The following SMC5 variants were observed in gnomAD, a reference collection of about 807,000 sequenced individuals.
SMC5 encodes structural maintenance of chromosomes protein 5.
A neutral mutation model predicts 148.3 loss-of-function variants in SMC5; 88 were observed. That is an observed-to-expected ratio of 0.59 (90% CI 0.50 to 0.71). The LOEUF (loss-of-function observed/expected upper bound fraction) is 0.71. SMC5 is among the 30% of genes least tolerant of loss of function. The probability of loss-of-function intolerance (pLI) is 0.00; values close to 1 mark genes in which losing one functional copy is unlikely to be tolerated. For missense variants in SMC5, 1,142 were observed against 1,298.9 expected (o/e 0.88, Z 1.86); for synonymous variants, 421 against 432.8 (o/e 0.97, Z 0.34).
Position 70,352,393 on chromosome 9 carries a change from C to T in SMC5, c.*62C>T. The T allele has an allele frequency of 6.8e-7, 1 of 1,463,950 alleles. No individual in the cohort carries two copies. Among genetic ancestry groups the T allele is most frequent in the East Asian group, 2.3e-5 (1 of 43,596 alleles). 90.7% of individuals were successfully genotyped at this position (1,463,950 alleles called of 1,614,324 possible). A position where few individuals can be genotyped will look rare whatever the true frequency, so the allele number is the denominator to read the frequency against. The stretch of plus-strand genomic sequence containing the variant: ...TTAAATTCTGTTTATAAGTATGGCT[C>T]AACTGAATAAAAGGAGATTCACTAA... On this transcript the variant is annotated 3_prime_UTR_variant, in exon 25 of 25. Transcript: ENST00000361138.
chr9:70,306,127 A>G (rs983923263), intron 11 of SMC5, among the ~76,000 whole-genome samples: 2 of 152,176 alleles, frequency 1.3e-5, no homozygotes, highest in Non-Finnish European at 1.5e-5. Flanking sequence ...TGACATTCTT[A>G]TATATATACG....
rs777235315 is a variant in SMC5, at chr9:70,348,000, C to G, written c.2851C>G (p.Gln951Glu). The change falls in exon 22 of 25, where the codon CAG becomes GAG. Residue 951 changes from glutamine (Q) to glutamate (E), a missense_variant. Gln to Glu is a conservative substitution (Grantham distance 29). Around this residue, in one of 5 missense-constraint regions of SMC5, gnomAD observed 743 missense variants for 835.7 expected, o/e 0.89. Coordinates refer to ENST00000361138, the MANE Select transcript of SMC5 (RefSeq NM_015110.4). The part of the protein sequence containing the change: ...EKFSNFFSSM[Q>E]CAGEVDLHTE... ...ATTCAGCAATTTTTTTAGTTCCATG[C>G]AGTGTGCTGGTGAAGTTGATCTCCA... 1.2e-6 allele frequency: 2 copies of G among 1,605,256 alleles called. No homozygotes were observed. Among genetic ancestry groups the G allele is most frequent in the South Asian group, 1.1e-5 (1 of 88,824 alleles).
rs2036843741 is a variant in SMC5, at chr9:70,353,275, AAT to A, written c.*945_*946del. The A allele has an allele frequency of 6.6e-6, 1 of 152,124 alleles. No homozygotes were observed. 9.4% of individuals were successfully genotyped at this position (152,124 alleles called of 1,614,324 possible). On this transcript the variant is annotated 3_prime_UTR_variant, in exon 25 of 25. Coordinates refer to ENST00000361138, the MANE Select transcript of SMC5 (RefSeq NM_015110.4). ...AAAGCATTGATTTCTTTAAAACCGT[AAT>A]GTTTTTAGAACTTAAGCCTATAGGG...
intron 18 of SMC5, 156 bp downstream of exon 18, chr9:70,344,425 A>T (rs530459842): frequency 8.0e-5 from 24 of 301,840 alleles, no homozygotes; most frequent in Non-Finnish European, 1.1e-4. Flanking sequence ...TATATATATA[A>T]AATAATGTTG....
At position 70,343,777 on chromosome 9, in the gene SMC5, C is replaced by A. The variant is rs554667541; in HGVS notation, c.2398-367C>A. ...GTTGCAGTGAGCTGAGATCACGTCA[C>A]GTCACTGCACTCCAGCCTGGGTGAC... On this transcript the variant is annotated intron_variant, in intron 17 of 24. Transcript: ENST00000361138. 3.9e-5 allele frequency among the ~76,000 whole-genome samples: 6 copies of A among 152,070 alleles called. No homozygotes were observed. The South Asian group carries it at 1.2e-3, about 32-fold the overall frequency.
chr9:70,327,882 G>A (rs2036121105), intron 17 of SMC5, among the ~76,000 whole-genome samples: 2 of 152,148 alleles, frequency 1.3e-5, no homozygotes, highest in Non-Finnish European at 2.9e-5. Flanking sequence ...CCATTCCACA[G>A]GCTGTATAGG....
chr9:70,280,614 C>G, intron 5 of SMC5, 145 bp from the exon 6 acceptor site: 2 of 685,326 alleles, frequency 2.9e-6, no homozygotes, highest in Non-Finnish European at 4.7e-6. Flanking sequence ...TCACTGTTGC[C>G]TAGGCTGGAG....
chr9:70,321,382 A>G (rs1382590992), intron 15 of SMC5, among the ~76,000 whole-genome samples: 1 of 147,316 alleles, frequency 6.8e-6, no homozygotes, highest in East Asian at 2.0e-4. Flanking sequence ...TAAATATAAT[A>G]TTGTCAAATG....
intron 3 of SMC5, among the ~76,000 whole-genome samples, chr9:70,275,615 C>A (rs1180111): frequency 0.12 from 17,538 of 151,380 alleles, 1,144 homozygotes; most frequent in African/African-American, 0.16. Context: ...AGTAATCATT[C>A]TCTTTTTCTC....
At chr9:70,293,114 CTGG>C (rs2035108587) in intron 8 of SMC5, among the ~76,000 whole-genome samples, 1 of 152,080 alleles carries the variant, frequency 6.6e-6, no homozygotes, top group African/African-American at 2.4e-5. Context: ...GTGAAACTCT[CTGG>C]TTGTAGAGAT....
At chr9:70,333,484 G>C (rs553346041) in intron 17 of SMC5, among the ~76,000 whole-genome samples, 1 of 151,804 alleles carries the variant, frequency 6.6e-6, no homozygotes, top group East Asian at 2.0e-4. Context: ...AAAAAGAAAG[G>C]CTTTGGGAGG....
chr9:70,296,722 TA>T (rs1215485901), intron 8 of SMC5, among the ~76,000 whole-genome samples: 3 of 152,204 alleles, frequency 2.0e-5, no homozygotes, highest in African/African-American at 7.2e-5. Context: ...TGTGATGTGT[TA>T]AATTTATCTA....
intron 11 of SMC5, among the ~76,000 whole-genome samples, chr9:70,310,182 T>G (rs1012009834): frequency 1.3e-5 from 2 of 152,226 alleles, no homozygotes; most frequent in African/African-American, 2.4e-5. Flanking sequence ...TTGTTTACTT[T>G]GCCCAGATTC....
chr9:70,264,454 A>G lies in SMC5; in HGVS notation c.327+9A>G. On this transcript the variant is annotated intron_variant, in intron 2 of 24. Coordinates refer to ENST00000361138, the MANE Select transcript of SMC5 (RefSeq NM_015110.4). ...TGGGACGAGCAGATAAGGTGAGTTA[A>G]TATAATTACTTTTTAAGAAATTTCA... The G allele has an allele frequency of 1.9e-6, 3 of 1,610,794 alleles. No individual in the cohort carries two copies. The highest frequency in any genetic ancestry group is 2.5e-6 in the Non-Finnish European group (3 of 1,178,966).
intron 11 of SMC5, among the ~76,000 whole-genome samples, chr9:70,306,656 G>A (rs2035507963): frequency 6.6e-6 from 1 of 152,164 alleles, no homozygotes; most frequent in South Asian, 2.1e-4. Context: ...AGCTTAGCCT[G>A]TTACTTTTCC....
chr9:70,267,925 TG>T lies in SMC5; in HGVS notation c.333del (p.Phe113LeufsTer2). On this transcript the variant is annotated frameshift_variant, in exon 3 of 25. Transcript: ENST00000361138. LOFTEE classifies it high-confidence loss of function. ...ACTTTTTCTTTTTTATGTCTTAGGT[TG>T]GGTTTTTTGTGAAGAGAGGATGTTC... ...PAFMGRADKV[G>X]FFVKRGCSRG... 1 of 1,612,972 alleles carries T rather than the reference TG, an allele frequency of 6.2e-7. No homozygotes were observed. The highest frequency in any genetic ancestry group is 8.5e-7 in the Non-Finnish European group (1 of 1,179,534).
intron 11 of SMC5, chr9:70,311,960 A>G (rs1221536469): frequency 6.6e-6 from 1 of 151,994 alleles, no homozygotes; most frequent in East Asian, 1.9e-4. Flanking sequence ...CACTGCTATA[A>G]AGAACTGCCT....
chr9:70,263,956 C>T lies in SMC5; in HGVS notation c.186-348C>T, dbSNP rs530283237. On this transcript the variant is annotated intron_variant, in intron 1 of 24. Coordinates refer to ENST00000361138, the MANE Select transcript of SMC5 (RefSeq NM_015110.4). ...TAAAATTCACAGATTCAAGGTAAGC[C>T]GTGGCGTCTCCTATAAAATTTGTTT... 5.5e-4 allele frequency among the ~76,000 whole-genome samples: 83 copies of T among 152,072 alleles called. No individual in the cohort carries two copies. The South Asian group carries it at 7.7e-3, about 14-fold the overall frequency.
At chr9:70,339,528 C>T (rs1319022659) in intron 17 of SMC5, among the ~76,000 whole-genome samples, 7 of 152,030 alleles carry the variant, frequency 4.6e-5, no homozygotes, top group Non-Finnish European at 8.8e-5. Flanking sequence ...GTTTTCTTCT[C>T]ATGTTTGCTG....
Sources: allele counts gnomAD v4.1 joint callset (sites outside exome capture counted in the v4.1 genomes callset), GRCh38; gene constraint gnomAD v4.1.1; regional missense constraint gnomAD v4.1.1; transcripts MANE v1.5; gene names NCBI Gene and HGNC (gene_info 2026-07-23, HGNC 2026-07-21).